The following PCYT1B variants were observed in gnomAD, a reference collection of about 807,000 sequenced individuals.
PCYT1B encodes phosphate cytidylyltransferase 1B, choline.
PCYT1B carries 10 observed loss-of-function variants against 26.4 expected under a neutral mutation model. The observed-to-expected ratio is 0.38, with a 90% CI of 0.23 to 0.64. The LOEUF is 0.64. PCYT1B is among the 30% of genes least tolerant of loss of function. The probability of loss-of-function intolerance (pLI) is 0.56; values close to 1 mark genes in which losing one functional copy is unlikely to be tolerated. For synonymous variants in PCYT1B, 131 were observed against 108.4 expected (o/e 1.21, Z -1.29); for missense variants, 161 against 292.7 (o/e 0.55, Z 3.28).
At chrX:24,663,891 C>T (rs751105876) in intron 1 of PCYT1B, among the ~76,000 whole-genome samples, 1 of 111,078 alleles carries the variant, frequency 9.0e-6, no homozygotes, top group Non-Finnish European at 1.9e-5. Flanking sequence ...TGCACTCCAG[C>T]CTGGGTGACA....
At chrX:24,607,586 A>G (rs965803607) in intron 3 of PCYT1B, among the ~76,000 whole-genome samples, 159 bp downstream of exon 3, 3 of 112,106 alleles carry the variant, frequency 2.7e-5, no homozygotes, top group Non-Finnish European at 5.6e-5. Context: ...TTTTTCAAAC[A>G]TCATTTTAAA....
At chrX:24,578,548 C>T (rs1369257325) in intron 6 of PCYT1B, among the ~76,000 whole-genome samples, 1 of 112,000 alleles carries the variant, frequency 8.9e-6, no homozygotes, top group Non-Finnish European at 1.9e-5. Flanking sequence ...GGTAGAACTA[C>T]AAAAGGAAGC....
chrX:24,647,758 G>GC (rs60709347), upstream of PCYT1B, among the ~76,000 whole-genome samples: 4,543 of 112,650 alleles, frequency 0.04, 223 homozygotes, highest in African/African-American at 0.14. Context: ...CCAGTGGAGG[G>GC]CCCCTCCGGG....
intron 2 of PCYT1B, among the ~76,000 whole-genome samples, chrX:24,608,411 G>A (rs770984858): frequency 9.0e-6 from 1 of 111,698 alleles, no homozygotes; most frequent in South Asian, 3.8e-4. Context: ...TACAAATCAG[G>A]GCTTATTTCC....
chrX:24,625,523 A>G (rs1925856319), intron 1 of PCYT1B, among the ~76,000 whole-genome samples: 1 of 109,630 alleles, frequency 9.1e-6, no homozygotes, highest in Non-Finnish European at 1.9e-5. Flanking sequence ...CACTGGAGAG[A>G]AGAAAAAAGA....
chrX:24,562,335 G>A lies in PCYT1B; in HGVS notation c.1068C>T (p.Ala356=), dbSNP rs1299766915. The change falls in exon 8 of 8, where the codon GCC becomes GCT. Residue 356 remains alanine, a synonymous_variant. Transcript: ENST00000379144. ...SPPSSPKAAS[A]SISSMSEGDE... Reference sequence around the variant, plus strand: ...CCCCCTCGCTCATGCTGCTGATAGAGGCTGAGGCTGCTTTGGGTGAGGAAG... The same window carrying A: ...CCCCCTCGCTCATGCTGCTGATAGAAGCTGAGGCTGCTTTGGGTGAGGAAG... 3 of 1,167,363 alleles carry A rather than the reference G, an allele frequency of 2.6e-6. No homozygotes were observed. The highest frequency in any genetic ancestry group is 3.4e-6 in the Non-Finnish European group (3 of 875,098).
At position 24,666,364 on chromosome X, in the gene PCYT1B, A is replaced by G. The variant is rs771795761; in HGVS notation, c.63+6206T>C. Among the ~76,000 whole-genome samples the G allele has an allele frequency of 3.6e-5, 4 of 111,841 alleles. No individual in the cohort carries two copies. In the East Asian group the frequency reaches 1.1e-3, roughly 31 times the overall value. ...ATAGAACAAGAAGATATATGTAAAG[A>G]TATATGTAGGACAAACTCTTAAAGA... On this transcript the variant is annotated intron_variant, in intron 1 of 7. Coordinates refer to the PCYT1B transcript ENST00000379145.
intron 3 of PCYT1B, among the ~76,000 whole-genome samples, chrX:24,590,918 T>A (rs1924544024): frequency 9.3e-6 from 1 of 107,437 alleles, no homozygotes; most frequent in Non-Finnish European, 1.9e-5. Context: ...CTCAGCCTCC[T>A]GAGTAGCTGG....
chrX:24,564,591 A>G, intron 7 of PCYT1B, among the ~76,000 whole-genome samples: 1 of 110,014 alleles, frequency 9.1e-6, no homozygotes, highest in Non-Finnish European at 1.9e-5. Flanking sequence ...TGACCTCGTG[A>G]TCCGCCCACT....
At chrX:24,611,801 G>A (rs1480224973) in intron 2 of PCYT1B, among the ~76,000 whole-genome samples, 3 of 110,084 alleles carry the variant, frequency 2.7e-5, no homozygotes, top group Non-Finnish European at 3.8e-5. Context: ...CTGAAACTCC[G>A]TATCTACTAA....
intron 3 of PCYT1B, 48 bp from the exon 4 acceptor site, chrX:24,590,222 C>T (rs771722371): frequency 1.4e-5 from 16 of 1,108,563 alleles, no homozygotes; most frequent in Non-Finnish European, 1.8e-5. Context: ...CCAGGACCTG[C>T]TCACAGCCAC....
chrX:24,601,910 G>A (rs1924979858), intron 3 of PCYT1B, among the ~76,000 whole-genome samples: 2 of 111,998 alleles, frequency 1.8e-5, no homozygotes, highest in South Asian at 7.4e-4. Context: ...ACCCACTCCT[G>A]GTACAGCCAC....
intron 7 of PCYT1B, among the ~76,000 whole-genome samples, chrX:24,562,803 C>A (rs1923478869): frequency 2.8e-5 from 3 of 107,880 alleles, no homozygotes; most frequent in Admixed American, 9.9e-5. Context: ...TCTTGGCTCA[C>A]TGCAACCTCA....
rs367642370 is a variant in PCYT1B at position 24,579,450 on chromosome X, C to T, written c.574G>A (p.Val192Ile). The T allele has an allele frequency of 1.4e-4, 170 of 1,205,869 alleles. No homozygotes were observed. The highest frequency in any genetic ancestry group is 2.3e-4 in the Middle Eastern group (1 of 4,323). The change falls in exon 6 of 8, where the codon GTT becomes ATT. Residue 192 changes from valine to isoleucine, a missense_variant. Physicochemically the swap from Val to Ile is conservative, Grantham distance 29. Transcript: ENST00000379144. ...ATGCCTTCTGTTCTCTGCGTTGGAACGAACATCCCTGTTCAAGTAGAAAAG... is the reference window on the plus strand; with the variant it reads ...ATGCCTTCTGTTCTCTGCGTTGGAATGAACATCCCTGTTCAAGTAGAAAAG... ...YKHIKEAGMF[V>I]PTQRTEGIST...
At chrX:24,606,344 C>T (rs1925134642) in intron 3 of PCYT1B, among the ~76,000 whole-genome samples, 1 of 111,614 alleles carries the variant, frequency 9.0e-6, no homozygotes, top group South Asian at 3.8e-4. Context: ...GCCCCAGTAG[C>T]CTAGGACCAG....
At chrX:24,665,652 A>T (rs956366529) in intron 1 of PCYT1B, among the ~76,000 whole-genome samples, 1 of 111,585 alleles carries the variant, frequency 9.0e-6, no homozygotes, top group Non-Finnish European at 1.9e-5. Context: ...GAAGACTTCT[A>T]CTGTACTTCC....
chrX:24,579,312 T>C lies in PCYT1B; in HGVS notation c.708+4A>G, dbSNP rs1415451660. On this transcript the variant is annotated splice_donor_region_variant and intron_variant, in intron 6 of 7. Coordinates refer to ENST00000379144, the MANE Select transcript of PCYT1B (RefSeq NM_004845.5). ...CTTCAGAGGGTTTGAGGTGGCATGC[T>C]TACATTTATAAAGCTGACATTCAGT... is the stretch of plus-strand genomic sequence containing the variant. The C allele has an allele frequency of 8.3e-7, 1 of 1,209,065 alleles. No homozygotes were observed. Among genetic ancestry groups the C allele is most frequent in the Non-Finnish European group, 1.1e-6 (1 of 893,712 alleles).
chrX:24,562,520 G>T lies in PCYT1B; in HGVS notation c.898-15C>A. 8.5e-7 allele frequency: 1 copy of T among 1,181,324 alleles called. No individual in the cohort carries two copies. Among genetic ancestry groups the T allele is most frequent in the Non-Finnish European group, 1.1e-6 (1 of 876,152 alleles). On this transcript the variant is annotated splice_polypyrimidine_tract_variant and intron_variant, in intron 7 of 7. Coordinates refer to ENST00000379144, the MANE Select transcript of PCYT1B (RefSeq NM_004845.5). Reference sequence around the variant, plus strand: ...AACATCTGCTTCTAAAGATAAATTGGAGAGAAGGCATCTGTTAACTTTGCA... The same window carrying T: ...AACATCTGCTTCTAAAGATAAATTGTAGAGAAGGCATCTGTTAACTTTGCA...
chrX:24,564,353 TG>T (rs1361837748), intron 7 of PCYT1B, among the ~76,000 whole-genome samples: 5 of 84,090 alleles, frequency 5.9e-5, no homozygotes, highest in African/African-American at 1.6e-4. Context: ...TGTTTTGTTT[TG>T]TTTTTTTGTT....
Sources: allele counts gnomAD v4.1 joint callset (sites outside exome capture counted in the v4.1 genomes callset), GRCh38; gene constraint gnomAD v4.1.1; transcripts MANE v1.5; gene names NCBI Gene and HGNC (gene_info 2026-07-23, HGNC 2026-07-21).